Variants in HECW1 observed in about 807,000 individuals in gnomAD.
HECW1 encodes E3 ubiquitin-protein ligase HECW1.
Under a neutral mutation model 182.3 loss-of-function variants are expected in HECW1, and 61 were observed. The observed-to-expected ratio is 0.33, with a 90% CI of 0.27 to 0.41. The LOEUF (loss-of-function observed/expected upper bound fraction) is 0.41. Among genes scored for constraint, HECW1 ranks in the 10% least tolerant of loss-of-function variants. The pLI, the probability that HECW1 is intolerant of heterozygous loss-of-function variation, is 1.00. For synonymous variants in HECW1, 859 were observed against 832.6 expected, an observed-to-expected ratio of 1.03 and a Z score of -0.55; for missense variants, 1,739 against 2,108.9, an observed-to-expected ratio of 0.82 and a Z score of 3.44.
chr7:43,326,556 G>A (rs2152786276), intron 5 of HECW1, among the ~76,000 whole-genome samples: 1 of 152,358 alleles, frequency 6.6e-6, no homozygotes, highest in East Asian at 1.9e-4. Flanking sequence ...CCATGTGTCA[G>A]GGACAGTAAG....
chr7:43,366,645 G>A lies in HECW1; in HGVS notation c.555+5665G>A, dbSNP rs1161211188. ...TAAATGGTCTTGAGCCCTTGTGCTT[G>A]GCAGAGATTAAATGGCAAGACCAGG... On this transcript the variant is annotated intron_variant, in intron 6 of 29. Transcript: ENST00000395891. Among the ~76,000 whole-genome samples, 4 of 152,150 alleles carry A rather than the reference G, an allele frequency of 2.6e-5. No individual in the cohort carries two copies. The East Asian group carries it at 7.7e-4, about 29-fold the overall frequency.
intron 24 of HECW1, among the ~76,000 whole-genome samples, chr7:43,523,760 G>C (rs1227939555): frequency 6.6e-6 from 1 of 152,148 alleles, no homozygotes; most frequent in Non-Finnish European, 1.5e-5. Context: ...GAGGGAGGGA[G>C]AGGCTGGTGA....
chr7:43,184,798 C>G lies in HECW1; in HGVS notation c.-31-59077C>G, dbSNP rs371501613. Among the ~76,000 whole-genome samples the G allele has an allele frequency of 2.6e-5, 4 of 152,078 alleles. No homozygotes were observed. The East Asian group carries it at 5.8e-4, about 22-fold the overall frequency. On this transcript the variant is annotated intron_variant, in intron 2 of 29. Transcript: ENST00000395891. ...GGTTCTGCAGGCTGTTCAGGAAACA[C>G]GATGCTGGCATCTGCTTGGGGAGGC...
intron 14 of HECW1, 135 bp downstream of exon 14, chr7:43,463,934 C>G: frequency 1.0e-6 from 1 of 960,104 alleles, no homozygotes; most frequent in South Asian, 1.8e-5. Flanking sequence ...GGGTGGAGGA[C>G]AGAGGCATGC....
At chr7:43,205,484 G>A (rs114673732) in intron 2 of HECW1, among the ~76,000 whole-genome samples, 354 of 150,430 alleles carry the variant, frequency 2.4e-3, no homozygotes, top group African/African-American at 8.1e-3. Flanking sequence ...CTGTAGTGGG[G>A]TGGATGAAAT....
chr7:43,186,664 G>A (rs945342142), intron 2 of HECW1, among the ~76,000 whole-genome samples: 4 of 116,988 alleles, frequency 3.4e-5, no homozygotes, highest in Middle Eastern at 6.0e-3. Context: ...GCGAGACTCC[G>A]TCTCAAAAAA....
At chr7:43,426,463 G>A (rs1212022250) in intron 8 of HECW1, among the ~76,000 whole-genome samples, 1 of 152,136 alleles carries the variant, frequency 6.6e-6, no homozygotes, top group African/African-American at 2.4e-5. Context: ...GGGATCATAT[G>A]GATAGCACTT....
intron 3 of HECW1, among the ~76,000 whole-genome samples, chr7:43,291,650 AAGGAAACTTTGAAG>A (rs1805417731): frequency 6.6e-6 from 1 of 152,234 alleles, no homozygotes; most frequent in South Asian, 2.1e-4. Context: ...TTCAACAACA[AAGGAAACTTTGAAG>A]AGGAAACTTT....
intron 13 of HECW1, among the ~76,000 whole-genome samples, chr7:43,461,242 G>A (rs2152892679): frequency 6.6e-6 from 1 of 152,358 alleles, no homozygotes; most frequent in Admixed American, 6.5e-5. Flanking sequence ...TTAGGAGGTT[G>A]ATGCTGGCTG....
intron 8 of HECW1, among the ~76,000 whole-genome samples, chr7:43,409,301 T>C (rs998752574): frequency 1.3e-5 from 2 of 152,218 alleles, no homozygotes; most frequent in African/African-American, 2.4e-5. Context: ...AATTTGTTTC[T>C]TCAGTCCTGC....
intron 3 of HECW1, among the ~76,000 whole-genome samples, chr7:43,297,938 A>G (rs1806249423): frequency 1.3e-5 from 2 of 152,152 alleles, no homozygotes; most frequent in Admixed American, 1.3e-4. Flanking sequence ...GCCAGACATG[A>G]TAGTACATGA....
intron 2 of HECW1, among the ~76,000 whole-genome samples, chr7:43,131,029 G>A (rs2152620217): frequency 6.6e-6 from 1 of 152,224 alleles, no homozygotes; most frequent in South Asian, 2.1e-4. Context: ...ACTTTGGGAG[G>A]CCAAGGCGGG....
At chr7:43,384,250 T>C (rs1011413626) in intron 6 of HECW1, among the ~76,000 whole-genome samples, 2 of 152,228 alleles carry the variant, frequency 1.3e-5, no homozygotes, top group African/African-American at 4.8e-5. Flanking sequence ...GTTCTCCACG[T>C]ACCCCCTGGA....
rs1281400153 is a variant in HECW1 at position 43,533,067 on chromosome 7, C to T, written c.4020-8096C>T. 2.6e-5 allele frequency among the ~76,000 whole-genome samples: 4 copies of T among 152,122 alleles called. No individual in the cohort carries two copies. In the East Asian group the frequency reaches 7.7e-4, roughly 29 times the overall value. ...TTGATTTTGCACCATCACTCTCCAC[C>T]GCCAGTGGACACTGGCAATGTCAGG... On this transcript the variant is annotated intron_variant, in intron 24 of 29. Transcript: ENST00000395891.
intron 26 of HECW1, among the ~76,000 whole-genome samples, chr7:43,543,728 G>A (rs1022600017): frequency 1.4e-5 from 2 of 146,366 alleles, no homozygotes; most frequent in African/African-American, 5.1e-5. Flanking sequence ...ACAGTGAGCC[G>A]AGATCACGTC....
chr7:43,383,995 T>C (rs2074669101), intron 6 of HECW1, among the ~76,000 whole-genome samples: 1 of 152,190 alleles, frequency 6.6e-6, no homozygotes, highest in Admixed American at 6.5e-5. Context: ...TGTCATTACA[T>C]TGAGTAGACT....
intron 13 of HECW1, among the ~76,000 whole-genome samples, chr7:43,457,075 C>G (rs1482403661): frequency 6.6e-6 from 1 of 152,138 alleles, no homozygotes; most frequent in African/African-American, 2.4e-5. Context: ...AAAAACTAGG[C>G]CCTCTCTATT....
intron 21 of HECW1, among the ~76,000 whole-genome samples, chr7:43,502,941 T>C (rs2079425743): frequency 6.6e-6 from 1 of 152,214 alleles, no homozygotes; most frequent in African/African-American, 2.4e-5. Context: ...TAATAAGCTT[T>C]GTCTCTGAGA....
intron 8 of HECW1, among the ~76,000 whole-genome samples, chr7:43,429,319 T>TAC (rs2076465130): frequency 2.1e-5 from 2 of 96,964 alleles, no homozygotes; most frequent in Admixed American, 2.1e-4. Context: ...TATATATATA[T>TAC]ATATATATAT....
Sources: allele counts gnomAD v4.1 joint callset (sites outside exome capture counted in the v4.1 genomes callset), GRCh38; gene constraint gnomAD v4.1.1; transcripts MANE v1.5; gene names NCBI Gene and HGNC (gene_info 2026-07-23, HGNC 2026-07-21).